The following RNF180 variants were observed in gnomAD, a reference collection of about 807,000 sequenced individuals.
RNF180 encodes E3 ubiquitin-protein ligase RNF180.
Under a neutral mutation model 59.2 loss-of-function variants are expected in RNF180, and 38 were observed. The ratio of observed to expected loss-of-function variants is 0.64; its 90% CI spans 0.50 to 0.84. The LOEUF (loss-of-function observed/expected upper bound fraction) is 0.84. Ranked by LOEUF, RNF180 falls within the 40% of genes least tolerant of loss-of-function variation. The probability of loss-of-function intolerance (pLI) is 0.00; values close to 1 mark genes in which losing one functional copy is unlikely to be tolerated. For missense variants in RNF180, 705 were observed against 700.9 expected (o/e 1.01, Z -0.07); for synonymous variants, 262 against 240.3 (o/e 1.09, Z -0.84).
At chr5:64,177,640 G>A (rs573182017) in intron 1 of RNF180, among the ~76,000 whole-genome samples, 161 of 148,366 alleles carry the variant, frequency 1.1e-3, no homozygotes, top group African/African-American at 3.9e-3. Context: ...AGCTTATAAG[G>A]TTAGATCTAC....
In RNF180 at chr5:64,289,777, CTCTT is replaced by C. The variant is rs549018627; in HGVS notation, c.1228-35408_1228-35405del. 4.6e-5 allele frequency among the ~76,000 whole-genome samples: 7 copies of C among 152,120 alleles called. No homozygotes were observed. The East Asian group carries it at 1.2e-3, about 25-fold the overall frequency. ...CTGATTGTGTTTCTTTGATTGTTCT[CTCTT>C]CTGTTCTTTATTAGTGTAGCTAGTG... is the stretch of plus-strand genomic sequence containing the variant. On this transcript the variant is annotated intron_variant, in intron 5 of 7. Transcript: ENST00000389100.
Position 64,220,346 on chromosome 5 carries a change from A to AT in RNF180, c.1227+2956dup, listed in dbSNP as rs554807199. On this transcript the variant is annotated intron_variant, in intron 5 of 7. Coordinates refer to ENST00000389100, the MANE Select transcript of RNF180 (RefSeq NM_001113561.2). ...TAGAAACTTCTATTACTGATTTGAG[A>AT]TTTTTTCTTACCTAATCATTTAATG... Among the ~76,000 whole-genome samples, 65 of 151,252 alleles carry AT rather than the reference A, an allele frequency of 4.3e-4. No individual in the cohort carries two copies. In the South Asian group the frequency reaches 0.013, roughly 29 times the overall value.
rs35030133 is a variant in RNF180 at position 64,277,194 on chromosome 5, G to GAA, written c.1228-47980_1228-47979dup. 3.3e-3 allele frequency among the ~76,000 whole-genome samples: 439 copies of GAA among 134,542 alleles called. 1 individual carries two copies. Among genetic ancestry groups the GAA allele is most frequent in the African/African-American group, 0.011 (396 of 36,574 alleles). The allele number at this position is 134,542 out of a possible 152,430, so 88.3% of individuals were successfully genotyped here. A position where few individuals can be genotyped will look rare whatever the true frequency, so the allele number is the denominator to read the frequency against. On this transcript the variant is annotated intron_variant, in intron 5 of 7. Coordinates refer to ENST00000389100, the MANE Select transcript of RNF180 (RefSeq NM_001113561.2). ...GGGTGGTCTTAAAAAAAAAAAAGGG[G>GAA]AAAAAAAAAAAAAGAGACCGCAGAG...
intron 5 of RNF180, among the ~76,000 whole-genome samples, chr5:64,267,672 G>A (rs1377406349): frequency 6.6e-6 from 1 of 152,054 alleles, no homozygotes; most frequent in Non-Finnish European, 1.5e-5. Context: ...TCCCTACAAA[G>A]GACATGAACT....
At chr5:64,367,503 G>T (rs10056417) in intron 7 of RNF180, among the ~76,000 whole-genome samples, 67,785 of 151,446 alleles carry the variant, frequency 0.45, 16,527 homozygotes, top group African/African-American at 0.65. Context: ...TACAAATTCT[G>T]TTTAAATATC....
At chr5:64,366,283 A>T (rs967142585) in intron 7 of RNF180, among the ~76,000 whole-genome samples, 1 of 151,608 alleles carries the variant, frequency 6.6e-6, no homozygotes, top group African/African-American at 2.4e-5. Context: ...AATGTTGAAT[A>T]TAGACCCCCA....
At chr5:64,251,046 A>T (rs896512451) in intron 5 of RNF180, among the ~76,000 whole-genome samples, 2 of 152,240 alleles carry the variant, frequency 1.3e-5, no homozygotes, top group East Asian at 1.9e-4. Flanking sequence ...AAGCAAGTGT[A>T]TTTCAACATA....
At chr5:64,358,357 G>A (rs145716379) in intron 7 of RNF180, among the ~76,000 whole-genome samples, 13 of 151,868 alleles carry the variant, frequency 8.6e-5, no homozygotes, top group Admixed American at 5.3e-4. Context: ...TAACTTCCAG[G>A]GGACAGGGAA....
In RNF180 at chr5:64,214,092, T is replaced by G; in HGVS notation, c.766T>G (p.Ser256Ala). Residue 256 changes from serine to alanine, a missense_variant, in exon 4 of 8, where the codon TCC (serine) becomes GCC (alanine). By Grantham distance (99) the Ser-to-Ala change is moderately conservative (BLOSUM62 1). Coordinates refer to ENST00000389100, the MANE Select transcript of RNF180 (RefSeq NM_001113561.2). ...AATACATAGTAAGACTACTGCCTATTCCAGACTAAATGAAACACAGCCTAT... is the reference window on the plus strand; with the variant it reads ...AATACATAGTAAGACTACTGCCTATGCCAGACTAAATGAAACACAGCCTAT... ...YEIHSKTTAYSRLNETQPIDL... is the reference protein window; with the variant it reads ...YEIHSKTTAYARLNETQPIDL... 1 of 1,614,050 alleles carries G rather than the reference T, an allele frequency of 6.2e-7. No individual in the cohort carries two copies. The highest frequency in any genetic ancestry group is 8.5e-7 in the Non-Finnish European group (1 of 1,179,940).
At chr5:64,271,592 G>C (rs754346628) in intron 5 of RNF180, among the ~76,000 whole-genome samples, 2 of 151,904 alleles carry the variant, frequency 1.3e-5, no homozygotes, top group Non-Finnish European at 2.9e-5. Context: ...TGACAAAATT[G>C]CCTAACGACA....
In RNF180 at chr5:64,369,708, G is replaced by A. The variant is rs966779018; in HGVS notation, c.1673G>A (p.Gly558Glu). 13 of 1,548,378 alleles carry A rather than the reference G, an allele frequency of 8.4e-6. No individual in the cohort carries two copies. The highest frequency in any genetic ancestry group is 1.0e-5 in the Non-Finnish European group (12 of 1,145,234). ...DYLHFEDDSR[G>E]WWFDMDMVII... ...CTGCACTTTGAGGATGATAGCCGTG[G>A]ATGGTGGTTTGACATGGATATGGTG... is the stretch of plus-strand genomic sequence containing the variant. Residue 558 changes from glycine to glutamate, a missense_variant, in exon 8 of 8, where the codon GGA (glycine) becomes GAA (glutamate). Coordinates refer to ENST00000389100, the MANE Select transcript of RNF180 (RefSeq NM_001113561.2).
At position 64,199,361 on chromosome 5, in the gene RNF180, T is replaced by C. The variant is rs181397457; in HGVS notation, c.1-1447T>C. ...GCATTTTACTTAACTGTTAATAGTA[T>C]GCATGTCTCCGTGTTCACCCTGACC... On this transcript the variant is annotated intron_variant, in intron 1 of 7. Transcript: ENST00000389100. Among the ~76,000 whole-genome samples, 17 of 152,320 alleles carry C rather than the reference T, an allele frequency of 1.1e-4. No homozygotes were observed. The East Asian group carries it at 3.3e-3, about 29-fold the overall frequency.
intron 5 of RNF180, among the ~76,000 whole-genome samples, chr5:64,289,769 ATTGT>A (rs1323208300): frequency 6.6e-6 from 1 of 151,390 alleles, no homozygotes; most frequent in Non-Finnish European, 1.5e-5. Flanking sequence ...TGTTTCTTTG[ATTGT>A]TCTCTCTTCT....
intron 5 of RNF180, among the ~76,000 whole-genome samples, chr5:64,226,563 C>A (rs1293636758): frequency 1.3e-5 from 2 of 152,100 alleles, no homozygotes; most frequent in Middle Eastern, 3.2e-3. Flanking sequence ...AAACCAGAGA[C>A]CTTTGTTCAC....
chr5:64,313,657 T>G (rs1180736679), intron 5 of RNF180, among the ~76,000 whole-genome samples: 1 of 152,176 alleles, frequency 6.6e-6, no homozygotes, highest in Non-Finnish European at 1.5e-5. Flanking sequence ...TATATTCCTT[T>G]GGGTATATAC....
chr5:64,254,920 T>A (rs1743839106), intron 5 of RNF180, among the ~76,000 whole-genome samples: 1 of 152,160 alleles, frequency 6.6e-6, no homozygotes, highest in African/African-American at 2.4e-5. Context: ...GATATCTTTC[T>A]CTTTGGGGGA....
chr5:64,232,392 TTTTG>T (rs1419818134), intron 5 of RNF180, among the ~76,000 whole-genome samples: 1 of 152,134 alleles, frequency 6.6e-6, no homozygotes, highest in African/African-American at 2.4e-5. Context: ...CAGACAGTTT[TTTTG>T]TTTGTTTGAT....
At chr5:64,309,826 T>A (rs1743671862) in intron 5 of RNF180, among the ~76,000 whole-genome samples, 1 of 151,562 alleles carries the variant, frequency 6.6e-6, no homozygotes, top group South Asian at 2.1e-4. Flanking sequence ...CAGTTTATTC[T>A]TTACCAACTC....
chr5:64,317,597 TACAC>T (rs750376789), intron 5 of RNF180, among the ~76,000 whole-genome samples: 72 of 123,872 alleles, frequency 5.8e-4, no homozygotes, highest in South Asian at 1.8e-3. Context: ...TACATATTTA[TACAC>T]ACACACACAC....
Sources: allele counts gnomAD v4.1 joint callset (sites outside exome capture counted in the v4.1 genomes callset), GRCh38; gene constraint gnomAD v4.1.1; transcripts MANE v1.5; gene names NCBI Gene and HGNC (gene_info 2026-07-23, HGNC 2026-07-21).